Variants in ELOVL5 observed in about 807,000 individuals in gnomAD.
The protein encoded by ELOVL5 is very long chain fatty acid elongase 5.
A neutral mutation model predicts 38.6 loss-of-function variants in ELOVL5; 8 were observed. The ratio of observed to expected loss-of-function variants is 0.21; its 90% CI spans 0.12 to 0.37. ELOVL5 has a LOEUF of 0.37. Ranked by LOEUF, ELOVL5 falls within the 10% of genes least tolerant of loss-of-function variation. The pLI is 1.00. For missense variants in ELOVL5, 280 were observed against 367.8 expected (o/e 0.76, Z 1.95); for synonymous variants, 127 against 133.7 (o/e 0.95, Z 0.34).
At position 53,299,097 on chromosome 6, in the gene ELOVL5, C is replaced by T. The variant is rs1307534877; in HGVS notation, c.-8-3390G>A. On this transcript the variant is annotated intron_variant, in intron 1 of 7. Coordinates refer to ENST00000304434, the MANE Select transcript of ELOVL5 (RefSeq NM_021814.5). ...ACCTGGTGACCTAGAAAAAATGAGA[C>T]ATTCATAATGGGGAAAAGGATCCAG... Among the ~76,000 whole-genome samples, 5 of 152,030 alleles carry T rather than the reference C, an allele frequency of 3.3e-5. No homozygotes were observed. In the East Asian group the frequency reaches 9.6e-4, roughly 29 times the overall value.
At chr6:53,341,413 C>T (rs149517186) in intron 1 of ELOVL5, among the ~76,000 whole-genome samples, 1 of 152,292 alleles carries the variant, frequency 6.6e-6, no homozygotes, top group African/African-American at 2.4e-5. Context: ...TACAGCACAG[C>T]AGGGTGGCCA....
intron 3 of ELOVL5, chr6:53,287,839 C>A (rs1246811305): frequency 6.5e-7 from 1 of 1,531,798 alleles, no homozygotes. Context: ...AATTCAAAGC[C>A]ATGTGCACTG....
intron 1 of ELOVL5, among the ~76,000 whole-genome samples, chr6:53,348,506 G>A (rs1045671067): frequency 1.3e-5 from 2 of 152,184 alleles, no homozygotes; most frequent in African/African-American, 2.4e-5. Flanking sequence ...CGCGGCGCCT[G>A]TCAGCGCGCA....
At chr6:53,322,209 C>T (rs1275827865) in intron 1 of ELOVL5, among the ~76,000 whole-genome samples, 2 of 152,112 alleles carry the variant, frequency 1.3e-5, no homozygotes, top group East Asian at 1.9e-4. Flanking sequence ...ACAGGAACCC[C>T]GTAAACAAGG....
At chr6:53,340,379 C>T (rs983483382) in intron 1 of ELOVL5, among the ~76,000 whole-genome samples, 16 of 152,076 alleles carry the variant, frequency 1.1e-4, no homozygotes, top group African/African-American at 3.6e-4. Flanking sequence ...TGAGCCACCA[C>T]ACCTAATCAA....
intron 1 of ELOVL5, among the ~76,000 whole-genome samples, chr6:53,332,793 G>A (rs972872042): frequency 6.6e-6 from 1 of 152,168 alleles, no homozygotes; most frequent in Admixed American, 6.5e-5. Context: ...GGCTCTGTTT[G>A]CTAATCAGTT....
At chr6:53,301,736 T>G (rs1393036653) in intron 1 of ELOVL5, among the ~76,000 whole-genome samples, 1 of 128,374 alleles carries the variant, frequency 7.8e-6, no homozygotes, top group Non-Finnish European at 1.6e-5. Flanking sequence ...TTAGAACCAA[T>G]TTTAAAGAAT....
At chr6:53,274,621 A>G (rs188660223) in intron 5 of ELOVL5, among the ~76,000 whole-genome samples, 10 of 152,348 alleles carry the variant, frequency 6.6e-5, no homozygotes, top group Admixed American at 5.9e-4. Flanking sequence ...TCGTTATAGA[A>G]GACACCTTGA....
At chr6:53,271,618 C>T (rs1414822644) in intron 6 of ELOVL5, among the ~76,000 whole-genome samples, 1 of 152,076 alleles carries the variant, frequency 6.6e-6, no homozygotes, top group African/African-American at 2.4e-5. Flanking sequence ...TCCAATGTTT[C>T]TATGTAGAGT....
At chr6:53,278,800 C>T (rs1766242053) in intron 3 of ELOVL5, among the ~76,000 whole-genome samples, 1 of 152,196 alleles carries the variant, frequency 6.6e-6, no homozygotes, top group Non-Finnish European at 1.5e-5. Context: ...TACCACACTT[C>T]CACTGGGGCC....
chr6:53,269,473 T>C lies in ELOVL5; in HGVS notation c.757-203A>G, dbSNP rs926595104. ...TCCTTTTTTTTTTTGAGGCTTAGCC[T>C]GAGGTAAGTTAACTGAATCACAGGC... On this transcript the variant is annotated intron_variant, in intron 7 of 7. Coordinates refer to ENST00000304434, the MANE Select transcript of ELOVL5 (RefSeq NM_021814.5). Among the ~76,000 whole-genome samples the C allele has an allele frequency of 1.9e-4, 29 of 152,246 alleles. 1 individual carries two copies. Among genetic ancestry groups the C allele is most frequent in the African/African-American group, 6.3e-4 (26 of 41,544 alleles).
chr6:53,290,590 T>G (rs184354831), intron 3 of ELOVL5: 1 of 152,234 alleles, frequency 6.6e-6, no homozygotes. Flanking sequence ...TTTCTTGGCA[T>G]GTCAAGCATA....
intron 1 of ELOVL5, among the ~76,000 whole-genome samples, chr6:53,344,334 C>T (rs1356146094): frequency 2.0e-5 from 3 of 152,126 alleles, no homozygotes; most frequent in African/African-American, 7.2e-5. Context: ...TCACAATTAC[C>T]TCTCTCAAGT....
At chr6:53,339,532 C>T (rs1488205597) in intron 1 of ELOVL5, among the ~76,000 whole-genome samples, 1 of 152,178 alleles carries the variant, frequency 6.6e-6, no homozygotes, top group Non-Finnish European at 1.5e-5. Context: ...TCACGCATCG[C>T]ATAATGACCT....
intron 1 of ELOVL5, among the ~76,000 whole-genome samples, chr6:53,308,068 C>T (rs889039311): frequency 4.6e-5 from 7 of 151,192 alleles, no homozygotes; most frequent in East Asian, 1.9e-4. Context: ...TATAGTTTTA[C>T]GAGAAAAAGA....
chr6:53,330,517 C>CTTTTTTTTTTTTTTTTT (rs757160862), intron 1 of ELOVL5, among the ~76,000 whole-genome samples: 1 of 91,394 alleles, frequency 1.1e-5, no homozygotes, highest in Non-Finnish European at 2.0e-5. Context: ...TCTTTATAAA[C>CTTTTTTTTTTTTTTTTT]TTTTTTTTTT....
In ELOVL5 at chr6:53,294,301, A is replaced by G; in HGVS notation, c.58+1341T>C. ...GGCTGGTTCAGGCAGGGGCATGTGAAGCAATTGTGGCCAGTGAGTTTTGAG... is the reference window on the plus strand; with the variant it reads ...GGCTGGTTCAGGCAGGGGCATGTGAGGCAATTGTGGCCAGTGAGTTTTGAG... On this transcript the variant is annotated intron_variant, in intron 2 of 7. Transcript: ENST00000304434. The G allele has an allele frequency of 2.5e-6, 4 of 1,569,668 alleles. 1 individual carries two copies. The South Asian group carries it at 3.5e-5, about 14-fold the overall frequency.
At chr6:53,329,336 A>T (rs908684385) in intron 1 of ELOVL5, among the ~76,000 whole-genome samples, 3 of 152,186 alleles carry the variant, frequency 2.0e-5, no homozygotes. Context: ...AGTTATTTTT[A>T]AATGTTTTCA....
intron 1 of ELOVL5, among the ~76,000 whole-genome samples, chr6:53,314,410 A>T (rs1767954541): frequency 6.6e-6 from 1 of 152,268 alleles, no homozygotes; most frequent in South Asian, 2.1e-4. Context: ...AATTAAGGAC[A>T]GAGTGAAGGA....
Sources: gnomAD v4.1 joint callset for allele counts (sites outside exome capture counted in the v4.1 genomes callset) on GRCh38, gnomAD v4.1.1 for gene constraint, MANE v1.5 for transcripts, NCBI Gene and HGNC (gene_info 2026-07-23, HGNC 2026-07-21) for gene names.